Variants in TYW1B observed in about 807,000 individuals in gnomAD.
TYW1B encodes the protein tRNA-yW synthesizing protein 1 homolog B, also known as S-adenosyl-L-methionine-dependent tRNA 4-demethylwyosine synthase TYW1B.
TYW1B carries 73 observed loss-of-function variants against 86.9 expected under a neutral mutation model. The observed-to-expected ratio is 0.84, with a 90% CI of 0.70 to 1.02. The LOEUF (loss-of-function observed/expected upper bound fraction) is 1.02, where lower values mean the gene tolerates loss of function less well. TYW1B is among the 50% of genes least tolerant of loss of function. The probability of loss-of-function intolerance (pLI) is 0.00; values close to 1 mark genes in which losing one functional copy is unlikely to be tolerated. For missense variants in TYW1B, 637 were observed against 827.4 expected, an observed-to-expected ratio of 0.77 and a Z score of 2.82; for synonymous variants, 248 against 292.8, an observed-to-expected ratio of 0.85 and a Z score of 1.56.
chr7:72,810,104 C>T (rs1483874601), intron 4 of TYW1B, among the ~76,000 whole-genome samples: 1 of 151,518 alleles, frequency 6.6e-6, no homozygotes, highest in Non-Finnish European at 1.5e-5. Flanking sequence ...ATGGTGAAAC[C>T]CCGTCTCTAG....
chr7:72,809,000 C>T (rs1319188526), intron 4 of TYW1B, among the ~76,000 whole-genome samples: 1 of 151,392 alleles, frequency 6.6e-6, no homozygotes, highest in Non-Finnish European at 1.5e-5. Context: ...GAAAAAGGAG[C>T]CAAGTTAATT....
chr7:72,717,327 T>C (rs1225579687), intron 9 of TYW1B, among the ~76,000 whole-genome samples: 1 of 150,010 alleles, frequency 6.7e-6, no homozygotes, highest in African/African-American at 2.5e-5. Flanking sequence ...AATCATGCAG[T>C]TTATACAGCA....
intron 7 of TYW1B, among the ~76,000 whole-genome samples, chr7:72,765,162 G>T (rs1377108112): frequency 1.3e-5 from 2 of 152,160 alleles, no homozygotes; most frequent in Non-Finnish European, 2.9e-5. Flanking sequence ...AGTAAAAATG[G>T]TCACTTCCTG....
intron 13 of TYW1B, among the ~76,000 whole-genome samples, chr7:72,579,068 C>T (rs1192315273): frequency 6.6e-6 from 1 of 151,562 alleles, no homozygotes. Flanking sequence ...TTTTTTTAAC[C>T]ATACTTACAG....
intron 11 of TYW1B, among the ~76,000 whole-genome samples, chr7:72,642,219 TGCTCAAAGA>T (rs1450967692): frequency 6.6e-6 from 1 of 152,172 alleles, no homozygotes; most frequent in African/African-American, 2.4e-5. Flanking sequence ...AACTCAAAAC[TGCTCAAAGA>T]GCTAAAACAA....
intron 10 of TYW1B, among the ~76,000 whole-genome samples, chr7:72,704,171 T>C (rs1554453238): frequency 1.3e-5 from 2 of 152,094 alleles, no homozygotes; most frequent in Non-Finnish European, 2.9e-5. Flanking sequence ...CAGTAGCTCA[T>C]TCCTGTAATC....
chr7:72,729,803 C>T (rs1363315019), intron 8 of TYW1B, among the ~76,000 whole-genome samples: 1 of 152,118 alleles, frequency 6.6e-6, no homozygotes, highest in Non-Finnish European at 1.5e-5. Context: ...CCACTGAAGA[C>T]ACTACCCCCA....
Position 72,794,185 on chromosome 7 carries a change from T to C in TYW1B, c.846+8215A>G, listed in dbSNP as rs559368208. On this transcript the variant is annotated intron_variant, in intron 6 of 13. Transcript: ENST00000620995. ...CTCAGATCTTGACCCATTGGTCAAG[T>C]AGAGCAGAGAGCAGGTGACAGACTT... 9.9e-5 allele frequency among the ~76,000 whole-genome samples: 15 copies of C among 152,100 alleles called. 1 individual carries two copies. Among genetic ancestry groups the C allele is most frequent in the Non-Finnish European group, 1.6e-4 (11 of 67,976 alleles).
At chr7:72,795,444 G>A (rs2129572366) in intron 6 of TYW1B, among the ~76,000 whole-genome samples, 1 of 152,028 alleles carries the variant, frequency 6.6e-6, no homozygotes, top group South Asian at 2.1e-4. Context: ...TAAAAGGCTT[G>A]TGGCAAATAC....
chr7:72,713,590 G>A (rs1786719245), intron 10 of TYW1B, 31 bp downstream of exon 10: 2 of 1,552,744 alleles, frequency 1.3e-6, no homozygotes, highest in African/African-American at 1.4e-5. Flanking sequence ...ATAGATTCAA[G>A]CAGCATCTCT....
chr7:72,678,838 G>A (rs1348941678), intron 11 of TYW1B, among the ~76,000 whole-genome samples: 1 of 151,908 alleles, frequency 6.6e-6, no homozygotes, highest in Non-Finnish European at 1.5e-5. Context: ...AACGTGCCCG[G>A]ACAATCCCAG....
chr7:72,805,523 G>T (rs1247607555), intron 5 of TYW1B, among the ~76,000 whole-genome samples: 1 of 151,566 alleles, frequency 6.6e-6, no homozygotes, highest in East Asian at 2.0e-4. Context: ...GAAGTGGGAG[G>T]ATCACCACTG....
chr7:72,781,425 G>A (rs1788047279), intron 6 of TYW1B, among the ~76,000 whole-genome samples: 1 of 152,078 alleles, frequency 6.6e-6, no homozygotes, highest in South Asian at 2.1e-4. Context: ...TAATTATATT[G>A]CCTCATGGTA....
At chr7:72,786,203 T>TA (rs1333391586) in intron 6 of TYW1B, among the ~76,000 whole-genome samples, 1 of 152,116 alleles carries the variant, frequency 6.6e-6, no homozygotes, top group Non-Finnish European at 1.5e-5. Context: ...CCATATCCCC[T>TA]AGAAATTGAA....
intron 11 of TYW1B, among the ~76,000 whole-genome samples, chr7:72,672,658 G>GAT (rs1417481993): frequency 5.9e-5 from 9 of 152,138 alleles, no homozygotes; most frequent in African/African-American, 2.2e-4. Context: ...TCATATCTGT[G>GAT]GGTTCTGCAG....
intron 11 of TYW1B, among the ~76,000 whole-genome samples, chr7:72,670,569 G>A (rs1813575643): frequency 6.6e-6 from 1 of 152,304 alleles, no homozygotes; most frequent in South Asian, 2.1e-4. Context: ...CTTCACAGAG[G>A]TTCGGTGGTT....
At chr7:72,697,111 G>C (rs189726897) in intron 10 of TYW1B, among the ~76,000 whole-genome samples, 3 of 150,720 alleles carry the variant, frequency 2.0e-5, no homozygotes, top group Non-Finnish European at 4.4e-5. Flanking sequence ...TAACTAACAG[G>C]ACTTTGTCAA....
At chr7:72,584,341 G>A (rs7455045) in intron 13 of TYW1B, among the ~76,000 whole-genome samples, 1,848 of 152,242 alleles carry the variant, frequency 0.012, 36 homozygotes, top group African/African-American at 0.041. Context: ...CACCTCACCT[G>A]GCCAGAGCAT....
At chr7:72,605,040 G>C (rs1811760747) in intron 13 of TYW1B, among the ~76,000 whole-genome samples, 1 of 152,088 alleles carries the variant, frequency 6.6e-6, no homozygotes, top group African/African-American at 2.4e-5. Context: ...TCTAGACTCT[G>C]ACATTATATC....
Sources: gnomAD v4.1 joint callset for allele counts (sites outside exome capture counted in the v4.1 genomes callset) on GRCh38, gnomAD v4.1.1 for gene constraint, MANE v1.5 for transcripts, NCBI Gene and HGNC (gene_info 2026-07-23, HGNC 2026-07-21) for gene names.